Variants in RAD51B observed in about 807,000 individuals in gnomAD.
RAD51B encodes RAD51 paralog B.
In RAD51B, 38 loss-of-function variants were observed where a neutral mutation model predicts 42.2. The ratio of observed to expected loss-of-function variants is 0.90; its 90% CI spans 0.70 to 1.18. The LOEUF (loss-of-function observed/expected upper bound fraction) is 1.18, where lower values mean the gene tolerates loss of function less well. Among genes scored for constraint, RAD51B ranks in the 50% most tolerant of loss-of-function variants. The pLI is 0.00. For synonymous variants in RAD51B, 154 were observed against 145.2 expected (o/e 1.06, Z -0.43); for missense variants, 373 against 400.7 (o/e 0.93, Z 0.59).
At position 67,933,792 on chromosome 14, in the gene RAD51B, C is replaced by T. The variant is rs907192456; in HGVS notation, c.756+46588C>T. Among the ~76,000 whole-genome samples the T allele has an allele frequency of 5.9e-5, 9 of 152,226 alleles. 1 individual carries two copies. The highest frequency in any genetic ancestry group is 3.9e-4 in the Admixed American group (6 of 15,282). ...TATATATTAGTAATTTTGGTTCTTT[C>T]TGGAGAGGGTGAGTGTCCAATCTCT... On this transcript the variant is annotated intron_variant, in intron 7 of 10. Coordinates refer to ENST00000471583, the MANE Select transcript of RAD51B (RefSeq NM_133510.4).
At chr14:68,326,003 T>C (rs1000334104) in intron 8 of RAD51B, among the ~76,000 whole-genome samples, 24 of 151,638 alleles carry the variant, frequency 1.6e-4, no homozygotes, top group African/African-American at 5.8e-4. Context: ...TTTTATTAAA[T>C]ACTAATTGAA....
intron 10 of RAD51B, among the ~76,000 whole-genome samples, chr14:68,645,528 T>G (rs543463789): frequency 2.9e-4 from 44 of 152,352 alleles, no homozygotes; most frequent in Non-Finnish European, 5.9e-4. Flanking sequence ...GTGGAATTGC[T>G]GGATTCTAAT....
At chr14:68,456,506 T>C (rs937832194) in intron 9 of RAD51B, among the ~76,000 whole-genome samples, 2 of 152,194 alleles carry the variant, frequency 1.3e-5, no homozygotes, top group Non-Finnish European at 2.9e-5. Flanking sequence ...CATTTTATAA[T>C]TATAAAAGGA....
chr14:67,952,812 C>G (rs1270330414), intron 7 of RAD51B, among the ~76,000 whole-genome samples: 1 of 151,750 alleles, frequency 6.6e-6, no homozygotes, highest in Non-Finnish European at 1.5e-5. Flanking sequence ...AGATTATTGG[C>G]AGAGTGCAAC....
chr14:68,478,250 C>A, downstream of RAD51B: 2 of 899,566 alleles, frequency 2.2e-6, no homozygotes, highest in Non-Finnish European at 2.7e-6. Context: ...CTGACAGGTT[C>A]AGATCCAGCC....
chr14:68,671,434 C>G (rs898772095), intron 11 of RAD51B, among the ~76,000 whole-genome samples: 1 of 152,098 alleles, frequency 6.6e-6, no homozygotes, highest in Non-Finnish European at 1.5e-5. Context: ...GCCAGACATA[C>G]AAACCCACCC....
At chr14:67,851,483 A>G (rs1025171378) in intron 4 of RAD51B, among the ~76,000 whole-genome samples, 3 of 152,146 alleles carry the variant, frequency 2.0e-5, no homozygotes, top group Admixed American at 6.5e-5. Flanking sequence ...AGAAGGCAGC[A>G]GTCCTGGTTG....
intron 7 of RAD51B, among the ~76,000 whole-genome samples, chr14:68,122,221 A>C (rs543247512): frequency 2.6e-5 from 4 of 152,194 alleles, no homozygotes; most frequent in African/African-American, 9.6e-5. Context: ...CCATAAGATA[A>C]CTAACTTTAA....
chr14:68,536,017 A>T (rs764128511), intron 10 of RAD51B, among the ~76,000 whole-genome samples: 1 of 152,228 alleles, frequency 6.6e-6, no homozygotes, highest in Non-Finnish European at 1.5e-5. Context: ...AGGCTGAAGA[A>T]GCAGTCTTAG....
downstream of RAD51B, among the ~76,000 whole-genome samples, chr14:68,612,873 G>A (rs966577671): frequency 9.3e-5 from 14 of 150,056 alleles, no homozygotes; most frequent in Non-Finnish European, 1.9e-4. Context: ...AAGGGGGAGG[G>A]AGAGAGGGAG....
intron 9 of RAD51B, among the ~76,000 whole-genome samples, chr14:68,440,892 C>T (rs973597159): frequency 6.6e-6 from 1 of 152,190 alleles, no homozygotes; most frequent in East Asian, 1.9e-4. Context: ...GGACTTGAAT[C>T]CAAGCCAATA....
chr14:68,526,374 C>T (rs745945961), intron 10 of RAD51B, among the ~76,000 whole-genome samples: 7 of 152,126 alleles, frequency 4.6e-5, no homozygotes, highest in African/African-American at 1.2e-4. Flanking sequence ...GTATACTGGA[C>T]GATGTTTCCA....
chr14:68,456,535 A>G (rs546907110), intron 9 of RAD51B, among the ~76,000 whole-genome samples: 1 of 152,250 alleles, frequency 6.6e-6, no homozygotes, highest in Non-Finnish European at 1.5e-5. Flanking sequence ...TCAGGAAGAC[A>G]TAACTATAAA....
intron 8 of RAD51B, among the ~76,000 whole-genome samples, chr14:68,353,093 C>T (rs2082823576): frequency 6.6e-6 from 1 of 152,196 alleles, no homozygotes; most frequent in Admixed American, 6.5e-5. Flanking sequence ...AGCAAAACAG[C>T]CCCCTCTGGG....
chr14:68,348,318 T>A (rs1798374572), intron 8 of RAD51B, among the ~76,000 whole-genome samples: 1 of 152,188 alleles, frequency 6.6e-6, no homozygotes, highest in South Asian at 2.1e-4. Flanking sequence ...AAGTGAAGAA[T>A]CTATGGTATA....
chr14:68,051,571 T>G (rs2076394176), intron 7 of RAD51B, among the ~76,000 whole-genome samples: 1 of 152,098 alleles, frequency 6.6e-6, no homozygotes, highest in Admixed American at 6.6e-5. Context: ...TTATTGCACT[T>G]TGCTAATAAT....
chr14:68,240,075 G>C (rs2080350037), intron 7 of RAD51B, among the ~76,000 whole-genome samples: 1 of 152,210 alleles, frequency 6.6e-6, no homozygotes, highest in Admixed American at 6.5e-5. Flanking sequence ...AGGAGCCGCA[G>C]CCTCACTCTA....
intron 7 of RAD51B, among the ~76,000 whole-genome samples, chr14:68,138,794 CT>C (rs1362738115): frequency 6.6e-6 from 1 of 152,098 alleles, no homozygotes; most frequent in Non-Finnish European, 1.5e-5. Flanking sequence ...ACTGAACAGA[CT>C]TTTATAGCTT....
rs2083049212 is a variant in RAD51B, at chr14:68,362,598, C to T, written c.854-48826C>T. ...GGCGCAGTGGCTCACACCTGTAATC[C>T]CAACACTTTGGGAGGCCAAGGTGGG... On this transcript the variant is annotated intron_variant, in intron 8 of 10. Transcript: ENST00000471583. 3.3e-5 allele frequency among the ~76,000 whole-genome samples: 5 copies of T among 152,118 alleles called. No individual in the cohort carries two copies. The South Asian group carries it at 6.2e-4, about 19-fold the overall frequency.
Sources: allele counts gnomAD v4.1 joint callset (sites outside exome capture counted in the v4.1 genomes callset), GRCh38; gene constraint gnomAD v4.1.1; transcripts MANE v1.5; gene names NCBI Gene and HGNC (gene_info 2026-07-23, HGNC 2026-07-21).